The following MECOM variants were observed in gnomAD, a reference collection of about 807,000 sequenced individuals.
MECOM encodes histone-lysine N-methyltransferase MECOM.
A neutral mutation model predicts 116.3 loss-of-function variants in MECOM; 13 were observed. The observed-to-expected ratio is 0.11, with a 90% CI of 0.07 to 0.18. The LOEUF (loss-of-function observed/expected upper bound fraction) is 0.18. MECOM is among the 10% of genes least tolerant of loss of function. The probability of loss-of-function intolerance (pLI) is 1.00; values close to 1 mark genes in which losing one functional copy is unlikely to be tolerated. For missense variants in MECOM, 1,299 were observed against 1,509.0 expected (o/e 0.86, Z 2.31); for synonymous variants, 528 against 535.2 (o/e 0.99, Z 0.19).
chr3:169,575,805 C>T (rs1764425594), intron 1 of MECOM, among the ~76,000 whole-genome samples: 1 of 152,048 alleles, frequency 6.6e-6, no homozygotes, highest in South Asian at 2.1e-4. Flanking sequence ...TGGAGCCCCT[C>T]CTCTTCATCC....
intron 1 of MECOM, among the ~76,000 whole-genome samples, chr3:169,399,674 T>C (rs938742417): frequency 6.6e-6 from 1 of 152,208 alleles, no homozygotes; most frequent in Non-Finnish European, 1.5e-5. Flanking sequence ...TCAAAGTAGA[T>C]GGTGAGAATG....
intron 3 of MECOM, among the ~76,000 whole-genome samples, chr3:169,141,182 T>C (rs556805251): frequency 1.3e-5 from 2 of 152,228 alleles, no homozygotes; most frequent in Admixed American, 1.3e-4. Context: ...CATGACTAAC[T>C]TGCAATTGAA....
At chr3:169,144,370 G>T (rs529008144) in intron 2 of MECOM, among the ~76,000 whole-genome samples, 1 of 151,852 alleles carries the variant, frequency 6.6e-6, no homozygotes, top group South Asian at 2.1e-4. Context: ...ACAAACTAAA[G>T]AAAAACAAAT....
chr3:169,250,305 TG>T (rs1461471340), intron 2 of MECOM, among the ~76,000 whole-genome samples: 1 of 152,242 alleles, frequency 6.6e-6, no homozygotes, highest in Non-Finnish European at 1.5e-5. Context: ...TTGTTCGCAT[TG>T]AACATGTAGC....
chr3:169,317,875 ACTACAAGG>A (rs1223514288), intron 2 of MECOM, among the ~76,000 whole-genome samples: 1 of 152,182 alleles, frequency 6.6e-6, no homozygotes, highest in Non-Finnish European at 1.5e-5. Flanking sequence ...TTCAAACTAT[ACTACAAGG>A]CTACAGTAAC....
At chr3:169,319,261 C>T (rs558906573) in intron 2 of MECOM, among the ~76,000 whole-genome samples, 38 of 152,264 alleles carry the variant, frequency 2.5e-4, no homozygotes, top group African/African-American at 8.2e-4. Flanking sequence ...AGGATGAGTT[C>T]ATGTCCTTTG....
chr3:169,476,264 T>A (rs1183522459), intron 1 of MECOM, among the ~76,000 whole-genome samples: 1 of 152,248 alleles, frequency 6.6e-6, no homozygotes, highest in Non-Finnish European at 1.5e-5. Flanking sequence ...ACAATTAGAT[T>A]GATTTGACAA....
At chr3:169,278,955 A>C (rs758634528) in intron 2 of MECOM, among the ~76,000 whole-genome samples, 31 of 152,204 alleles carry the variant, frequency 2.0e-4, no homozygotes, top group Non-Finnish European at 3.8e-4. Context: ...ACTATGTTGC[A>C]CTGTGCTCTG....
chr3:169,597,287 T>C (rs1767252721), intron 1 of MECOM, among the ~76,000 whole-genome samples: 1 of 151,942 alleles, frequency 6.6e-6, no homozygotes. Context: ...GGCGAAGAGG[T>C]GTGGAAACTG....
chr3:169,273,215 C>A (rs977411666), intron 2 of MECOM, among the ~76,000 whole-genome samples: 1 of 152,252 alleles, frequency 6.6e-6, no homozygotes, highest in South Asian at 2.1e-4. Flanking sequence ...GGCATCAGAA[C>A]ATTTGTTACA....
intron 2 of MECOM, among the ~76,000 whole-genome samples, chr3:169,222,617 C>T (rs1277813913): frequency 6.6e-6 from 1 of 152,170 alleles, no homozygotes; most frequent in Non-Finnish European, 1.5e-5. Context: ...TTTCATTCAG[C>T]CCCAAAGCTG....
intron 1 of MECOM, among the ~76,000 whole-genome samples, chr3:169,581,866 G>T (rs1051752054): frequency 1.3e-5 from 2 of 152,204 alleles, no homozygotes; most frequent in Non-Finnish European, 2.9e-5. Flanking sequence ...GTCTGACAGG[G>T]ATATGACTAA....
chr3:169,503,186 A>G (rs1035522920), intron 1 of MECOM, among the ~76,000 whole-genome samples: 19 of 152,174 alleles, frequency 1.2e-4, no homozygotes, highest in Admixed American at 1.0e-3. Context: ...CCAAAAAACG[A>G]TTAAAACTAT....
intron 1 of MECOM, among the ~76,000 whole-genome samples, chr3:169,456,752 T>G (rs1746575383): frequency 6.6e-6 from 1 of 152,142 alleles, no homozygotes; most frequent in Non-Finnish European, 1.5e-5. Flanking sequence ...CATAGCTGCA[T>G]GGTTATCTGC....
chr3:169,480,953 C>G (rs1751194045), intron 1 of MECOM, among the ~76,000 whole-genome samples: 1 of 152,112 alleles, frequency 6.6e-6, no homozygotes, highest in Non-Finnish European at 1.5e-5. Context: ...TTGCTATCCT[C>G]ATTAACAATA....
chr3:169,658,554 G>A (rs1310266384), intron 1 of MECOM, among the ~76,000 whole-genome samples: 4 of 152,230 alleles, frequency 2.6e-5, no homozygotes, highest in African/African-American at 9.6e-5. Flanking sequence ...TGAGACTAGA[G>A]AGGGAAAGAA....
intron 1 of MECOM, among the ~76,000 whole-genome samples, chr3:169,394,121 T>C (rs544368297): frequency 6.6e-6 from 1 of 152,310 alleles, no homozygotes; most frequent in South Asian, 2.1e-4. Flanking sequence ...TGTTGTTGTA[T>C]TAATACGTCT....
At chr3:169,493,305 G>A (rs1753346840) in intron 1 of MECOM, among the ~76,000 whole-genome samples, 1 of 152,132 alleles carries the variant, frequency 6.6e-6, no homozygotes, top group Admixed American at 6.5e-5. Context: ...CTAAATACCT[G>A]TGCAACACTG....
chr3:169,484,152 C>T, intron 1 of MECOM: 1 of 689,282 alleles, frequency 1.5e-6, no homozygotes, highest in Non-Finnish European at 2.5e-6. Flanking sequence ...TCTCACAATT[C>T]AACATTTTGC....
Sources: allele counts gnomAD v4.1 joint callset (sites outside exome capture counted in the v4.1 genomes callset), GRCh38; gene constraint gnomAD v4.1.1; transcripts MANE v1.5; gene names NCBI Gene and HGNC (gene_info 2026-07-23, HGNC 2026-07-21).